The following CFAP47 variants were observed in gnomAD, a reference collection of about 807,000 sequenced individuals.
CFAP47 encodes the protein cilia and flagella associated protein 47, also known as cilia- and flagella-associated protein 47.
In CFAP47, 29 loss-of-function variants were observed where a neutral mutation model predicts 148.1. The observed-to-expected ratio is 0.20, with a 90% CI of 0.15 to 0.27. CFAP47 has a LOEUF of 0.27. Ranked by LOEUF, CFAP47 falls within the 10% of genes least tolerant of loss-of-function variation. The pLI is 1.00. For synonymous variants in CFAP47, 664 were observed against 577.3 expected (o/e 1.15, Z -2.15); for missense variants, 1,872 against 1,697.5 (o/e 1.10, Z -1.81).
At chrX:36,201,669 C>T (rs985998139) in intron 44 of CFAP47, among the ~76,000 whole-genome samples, 169 bp downstream of exon 44, 2 of 111,585 alleles carry the variant, frequency 1.8e-5, no homozygotes, top group African/African-American at 6.5e-5. Flanking sequence ...CTTTATACCT[C>T]GTTAAATAAT....
intron 9 of CFAP47, among the ~76,000 whole-genome samples, chrX:35,967,159 A>G (rs888955190): frequency 2.7e-5 from 3 of 111,184 alleles, no homozygotes; most frequent in African/African-American, 9.8e-5. Context: ...TTATTGATGT[A>G]TACAGTTTAT....
chrX:36,052,205 G>A (rs1937522557), intron 26 of CFAP47, among the ~76,000 whole-genome samples: 1 of 111,856 alleles, frequency 8.9e-6, no homozygotes, highest in Non-Finnish European at 1.9e-5. Context: ...AGAAACTCCT[G>A]GAAAGTACCT....
intron 8 of CFAP47, among the ~76,000 whole-genome samples, chrX:35,960,928 G>C (rs1024536364): frequency 9.0e-5 from 10 of 111,624 alleles, no homozygotes; most frequent in African/African-American, 2.9e-4. Flanking sequence ...GGGGTATCTT[G>C]TCTTGCTCCT....
intron 40 of CFAP47, among the ~76,000 whole-genome samples, chrX:36,185,442 A>G (rs1939796349): frequency 1.8e-5 from 2 of 111,386 alleles, no homozygotes; most frequent in African/African-American, 6.5e-5. Flanking sequence ...TAAAGAAAGC[A>G]GAGTGAATTG....
chrX:36,058,358 C>T (rs1481677409), intron 26 of CFAP47, among the ~76,000 whole-genome samples: 1 of 111,650 alleles, frequency 9.0e-6, no homozygotes, highest in Non-Finnish European at 1.9e-5. Context: ...TTTTAAAAGA[C>T]GTATTAAAAA....
At chrX:36,081,788 A>G (rs1255091227) in intron 29 of CFAP47, among the ~76,000 whole-genome samples, 1 of 111,424 alleles carries the variant, frequency 9.0e-6, no homozygotes, top group Admixed American at 9.6e-5. Flanking sequence ...ATAATATCCA[A>G]CATCCCTTCA....
At chrX:36,096,404 A>G (rs1333690700) in intron 30 of CFAP47, among the ~76,000 whole-genome samples, 1 of 110,307 alleles carries the variant, frequency 9.1e-6, no homozygotes, top group Non-Finnish European at 1.9e-5. Context: ...TGTTTTTTTC[A>G]TTTTCTGTCT....
intron 26 of CFAP47, among the ~76,000 whole-genome samples, chrX:36,050,161 G>A (rs1264063639): frequency 9.0e-6 from 1 of 111,325 alleles, no homozygotes. Flanking sequence ...ACGGTAAATT[G>A]GTACCACAGA....
chrX:36,144,754 C>A (rs1465602511), intron 35 of CFAP47: 1 of 1,025,632 alleles, frequency 9.8e-7, no homozygotes, highest in Non-Finnish European at 1.3e-6. Context: ...GTCGTGATCT[C>A]TTTCTCCCTT....
At chrX:35,970,949 T>A (rs777997991) in intron 11 of CFAP47, 26 bp downstream of exon 11, 3 of 1,160,812 alleles carry the variant, frequency 2.6e-6, no homozygotes, top group Non-Finnish European at 3.5e-6. Flanking sequence ...TCAAAAAATA[T>A]GCAACAGATC....
intron 25 of CFAP47, among the ~76,000 whole-genome samples, chrX:36,045,623 A>G (rs1937455911): frequency 8.9e-6 from 1 of 112,100 alleles, no homozygotes; most frequent in African/African-American, 3.2e-5. Flanking sequence ...AATGTTCAAC[A>G]TCATCAAAAC....
intron 33 of CFAP47, among the ~76,000 whole-genome samples, chrX:36,118,349 A>T (rs1217129546): frequency 9.0e-6 from 1 of 111,615 alleles, no homozygotes; most frequent in Non-Finnish European, 1.9e-5. Flanking sequence ...CATTTAAAAG[A>T]TATTTATTTC....
intron 49 of CFAP47, among the ~76,000 whole-genome samples, chrX:36,260,671 C>A (rs1005529605): frequency 5.4e-5 from 6 of 111,985 alleles, no homozygotes. Context: ...TGTAAGTTGT[C>A]TGTTTCTCTT....
intron 57 of CFAP47, among the ~76,000 whole-genome samples, chrX:36,319,988 G>A (rs1030547961): frequency 6.3e-5 from 7 of 110,778 alleles, no homozygotes; most frequent in African/African-American, 2.3e-4. Flanking sequence ...ATCCCGCATG[G>A]CTAATTTTTG....
At chrX:36,181,542 T>G (rs1311475670) in intron 40 of CFAP47, among the ~76,000 whole-genome samples, 1 of 111,831 alleles carries the variant, frequency 8.9e-6, no homozygotes, top group Non-Finnish European at 1.9e-5. Context: ...TCTTTCTAAT[T>G]AGTGTCATAC....
At chrX:36,359,131 A>G (rs1361629024) in intron 60 of CFAP47, among the ~76,000 whole-genome samples, 1 of 112,403 alleles carries the variant, frequency 8.9e-6, no homozygotes, top group Non-Finnish European at 1.9e-5. Context: ...ATAAATAACG[A>G]TAAGAAAAAC....
At chrX:36,191,583 T>A (rs1470347097) in intron 42 of CFAP47, among the ~76,000 whole-genome samples, 1 of 111,720 alleles carries the variant, frequency 9.0e-6, no homozygotes, top group Non-Finnish European at 1.9e-5. Context: ...GATCTATTGT[T>A]TTACACGTTG....
At chrX:36,263,518 C>A (rs782743966) in intron 49 of CFAP47, among the ~76,000 whole-genome samples, 16 of 112,097 alleles carry the variant, frequency 1.4e-4, no homozygotes, top group Non-Finnish European at 2.3e-4. Context: ...CCCTTTAAGG[C>A]CAATAACTAT....
intron 32 of CFAP47, among the ~76,000 whole-genome samples, chrX:36,103,809 A>T (rs1362301257): frequency 9.0e-6 from 1 of 111,628 alleles, no homozygotes; most frequent in East Asian, 2.8e-4. Context: ...TGTTCATCTC[A>T]TCTAGAACTT....
Sources: gnomAD v4.1 joint callset for allele counts (sites outside exome capture counted in the v4.1 genomes callset) on GRCh38, gnomAD v4.1.1 for gene constraint, MANE v1.5 for transcripts, NCBI Gene and HGNC (gene_info 2026-07-23, HGNC 2026-07-21) for gene names.